The following RABGAP1L variants were observed in gnomAD, a reference collection of about 807,000 sequenced individuals.
RABGAP1L encodes the protein rab GTPase-activating protein 1-like.
Under a neutral mutation model 137.7 loss-of-function variants are expected in RABGAP1L, and 63 were observed. That is an observed-to-expected ratio of 0.46 (90% CI 0.37 to 0.56). The LOEUF is 0.56. Among genes scored for constraint, RABGAP1L ranks in the 20% least tolerant of loss-of-function variants. The pLI is 0.00. For missense variants in RABGAP1L, 1,095 were observed against 1,244.0 expected (o/e 0.88, Z 1.80); for synonymous variants, 431 against 433.7 (o/e 0.99, Z 0.08).
At chr1:174,296,692 C>G (rs1044026265) in intron 10 of RABGAP1L, among the ~76,000 whole-genome samples, 2 of 151,916 alleles carry the variant, frequency 1.3e-5, no homozygotes, top group Non-Finnish European at 2.9e-5. Context: ...CTTAACATGT[C>G]AATTCAAAGT....
At chr1:174,895,965 G>A (rs1478523751) in intron 19 of RABGAP1L, among the ~76,000 whole-genome samples, 2 of 152,160 alleles carry the variant, frequency 1.3e-5, no homozygotes, top group Non-Finnish European at 2.9e-5. Flanking sequence ...CCCAGTAATG[G>A]GATGTCTGGG....
chr1:174,663,489 A>G (rs1676542120), intron 14 of RABGAP1L, among the ~76,000 whole-genome samples: 2 of 152,162 alleles, frequency 1.3e-5, no homozygotes, highest in Non-Finnish European at 2.9e-5. Flanking sequence ...GAGTTTATGT[A>G]AGTACTCTCT....
intron 13 of RABGAP1L, among the ~76,000 whole-genome samples, chr1:174,518,370 AACATGTAATCTACAC>A (rs1376511046): frequency 5.9e-5 from 9 of 151,992 alleles, no homozygotes; most frequent in African/African-American, 2.2e-4. Flanking sequence ...GTGTAGTATT[AACATGTAATCTACAC>A]ACATCCTCCT....
chr1:174,648,958 C>G (rs1294695524), intron 14 of RABGAP1L, among the ~76,000 whole-genome samples: 1 of 151,922 alleles, frequency 6.6e-6, no homozygotes, highest in East Asian at 1.9e-4. Context: ...TATGTAATGC[C>G]CATCTTTGAC....
intron 1 of RABGAP1L, among the ~76,000 whole-genome samples, chr1:174,210,000 A>G (rs1304951146): frequency 6.6e-6 from 1 of 152,216 alleles, no homozygotes; most frequent in Non-Finnish European, 1.5e-5. Flanking sequence ...AAGACCGTCA[A>G]GGTGATACCT....
intron 11 of RABGAP1L, among the ~76,000 whole-genome samples, chr1:174,347,361 T>A (rs1682527871): frequency 6.6e-6 from 1 of 152,158 alleles, no homozygotes; most frequent in Admixed American, 6.5e-5. Flanking sequence ...TCTTTAGTTC[T>A]AATATTTGGT....
At chr1:174,876,840 A>G (rs1184423828) in intron 19 of RABGAP1L, among the ~76,000 whole-genome samples, 1 of 152,022 alleles carries the variant, frequency 6.6e-6, no homozygotes, top group African/African-American at 2.4e-5. Flanking sequence ...TCCCTGTTTC[A>G]TTTTTATGTT....
chr1:174,169,426 T>C (rs1012835822), intron 1 of RABGAP1L, among the ~76,000 whole-genome samples: 1 of 152,136 alleles, frequency 6.6e-6, no homozygotes, highest in African/African-American at 2.4e-5. Context: ...TTCACTATGT[T>C]GGCCAGGCTG....
At chr1:174,459,513 A>G (rs1013207639) in intron 13 of RABGAP1L, among the ~76,000 whole-genome samples, 2 of 152,118 alleles carry the variant, frequency 1.3e-5, no homozygotes, top group Non-Finnish European at 2.9e-5. Flanking sequence ...ACAATAACCT[A>G]CACACACCCT....
At chr1:174,939,547 CAA>C (rs780377420) in intron 19 of RABGAP1L, among the ~76,000 whole-genome samples, 35 of 79,132 alleles carry the variant, frequency 4.4e-4, no homozygotes, top group Admixed American at 9.3e-4. Context: ...CTCTGTCTCA[CAA>C]AAAAAAAAAA....
At chr1:174,386,326 A>G (rs77387095) in intron 12 of RABGAP1L, among the ~76,000 whole-genome samples, 9,337 of 152,124 alleles carry the variant, frequency 0.061, 979 homozygotes, top group African/African-American at 0.21. Flanking sequence ...TTAGGTAGCT[A>G]GTGTAAAAAT....
chr1:174,572,247 C>A (rs1264633658), intron 13 of RABGAP1L, among the ~76,000 whole-genome samples: 1 of 152,134 alleles, frequency 6.6e-6, no homozygotes, highest in Non-Finnish European at 1.5e-5. Context: ...CATAACAGCT[C>A]ACCATCTTGT....
At chr1:174,809,429 C>T (rs116681249) in intron 18 of RABGAP1L, among the ~76,000 whole-genome samples, 470 of 152,216 alleles carry the variant, frequency 3.1e-3, no homozygotes, top group African/African-American at 3.7e-3. Flanking sequence ...ACTAGAGGTC[C>T]GGTGTGTGAG....
At chr1:174,579,664 C>G (rs1480113391) in intron 13 of RABGAP1L, among the ~76,000 whole-genome samples, 1 of 152,200 alleles carries the variant, frequency 6.6e-6, no homozygotes, top group Non-Finnish European at 1.5e-5. Context: ...AGCAAGACCA[C>G]AGGTCACTAT....
chr1:174,494,896 C>T, intron 13 of RABGAP1L, among the ~76,000 whole-genome samples: 1 of 152,138 alleles, frequency 6.6e-6, no homozygotes, highest in Non-Finnish European at 1.5e-5. Context: ...GACTTGAGTG[C>T]ATCAAGTCGA....
At chr1:174,707,203 G>A (rs895663799) in intron 17 of RABGAP1L, among the ~76,000 whole-genome samples, 3 of 138,840 alleles carry the variant, frequency 2.2e-5, no homozygotes, top group Non-Finnish European at 4.7e-5. Flanking sequence ...TTGTGATCAA[G>A]GGCAAGGTTT....
At chr1:174,907,530 G>C (rs543558337) in intron 19 of RABGAP1L, among the ~76,000 whole-genome samples, 54 of 151,962 alleles carry the variant, frequency 3.6e-4, no homozygotes, top group Non-Finnish European at 6.9e-4. Flanking sequence ...GCCCAGGCTG[G>C]TCACAAACTC....
intron 13 of RABGAP1L, among the ~76,000 whole-genome samples, chr1:174,466,576 C>T (rs1181332427): frequency 6.6e-6 from 1 of 152,166 alleles, no homozygotes; most frequent in Non-Finnish European, 1.5e-5. Flanking sequence ...CACTTGAGGT[C>T]AGGAGTTTGA....
intron 19 of RABGAP1L, among the ~76,000 whole-genome samples, chr1:174,904,730 G>A (rs1325631669): frequency 6.6e-6 from 1 of 151,972 alleles, no homozygotes; most frequent in African/African-American, 2.4e-5. Context: ...GCTCACTGCA[G>A]CCTCAACTCC....
Sources: gnomAD v4.1 joint callset for allele counts (sites outside exome capture counted in the v4.1 genomes callset) on GRCh38, gnomAD v4.1.1 for gene constraint, MANE v1.5 for transcripts, NCBI Gene and HGNC (gene_info 2026-07-23, HGNC 2026-07-21) for gene names.